GNB1: variants seen among roughly 807,000 people sequenced by gnomAD.
GNB1 encodes the protein G protein subunit beta 1.
GNB1 carries 2 observed loss-of-function variants against 42.9 expected under a neutral mutation model. That is an observed-to-expected ratio of 0.05 (90% CI 0.02 to 0.15). The LOEUF is 0.15. Ranked by LOEUF, GNB1 falls within the 10% of genes least tolerant of loss-of-function variation. GNB1 has a pLI of 1.00. For synonymous variants in GNB1, 183 were observed against 174.7 expected (o/e 1.05, Z -0.38); for missense variants, 193 against 462.2 (o/e 0.42, Z 5.34).
intron 1 of GNB1, among the ~76,000 whole-genome samples, chr1:1,847,400 G>C (rs1251493467): frequency 6.6e-6 from 1 of 152,118 alleles, no homozygotes; most frequent in Non-Finnish European, 1.5e-5. Context: ...TTAGATATTG[G>C]ACAAGGCCCC....
At chr1:1,845,634 G>A (rs1194328224) in intron 1 of GNB1, among the ~76,000 whole-genome samples, 1 of 151,870 alleles carries the variant, frequency 6.6e-6, no homozygotes, top group African/African-American at 2.4e-5. Flanking sequence ...TATTAATATG[G>A]ATATGTATGC....
chr1:1,820,924 T>A (rs931056596), intron 3 of GNB1, among the ~76,000 whole-genome samples: 2 of 152,234 alleles, frequency 1.3e-5, no homozygotes, highest in Non-Finnish European at 2.9e-5. Context: ...GGAAGAAGTC[T>A]TTTAATGGAA....
intron 1 of GNB1, among the ~76,000 whole-genome samples, chr1:1,882,738 T>C (rs1275365516): frequency 1.3e-5 from 2 of 151,916 alleles, no homozygotes; most frequent in African/African-American, 2.4e-5. Context: ...CTGGCCAATA[T>C]GGTGAAACCC....
intron 3 of GNB1, 126 bp downstream of exon 3, chr1:1,825,271 C>A: frequency 2.7e-6 from 2 of 735,048 alleles, no homozygotes; most frequent in Admixed American, 1.9e-5. Flanking sequence ...ACATCCTGGG[C>A]CAACTAAGAT....
At chr1:1,857,738 A>C (rs1648384193) in intron 1 of GNB1, among the ~76,000 whole-genome samples, 1 of 152,208 alleles carries the variant, frequency 6.6e-6, no homozygotes, top group Middle Eastern at 3.2e-3. Flanking sequence ...AACTGTGGAT[A>C]GTACCACACT....
At chr1:1,799,778 C>A (rs1646599793) in intron 7 of GNB1, among the ~76,000 whole-genome samples, 1 of 152,162 alleles carries the variant, frequency 6.6e-6, no homozygotes, top group African/African-American at 2.4e-5. Flanking sequence ...CTGTGACAAC[C>A]CCAGGGCTAC....
chr1:1,805,330 G>A (rs748989266), intron 6 of GNB1, among the ~76,000 whole-genome samples: 17 of 151,146 alleles, frequency 1.1e-4, no homozygotes, highest in Middle Eastern at 3.2e-3. Context: ...TGTGGTGGTG[G>A]GCGCCTGTAA....
At chr1:1,813,166 T>C (rs1209644311) in intron 5 of GNB1, among the ~76,000 whole-genome samples, 1 of 152,106 alleles carries the variant, frequency 6.6e-6, no homozygotes, top group Admixed American at 6.5e-5. Context: ...CTTTTTTTTT[T>C]TTGAGTCAGT....
chr1:1,834,667 C>CTTTTTT (rs746491020), intron 2 of GNB1, among the ~76,000 whole-genome samples: 2 of 126,346 alleles, frequency 1.6e-5, no homozygotes, highest in Non-Finnish European at 1.6e-5. Flanking sequence ...ACTCCAAGCA[C>CTTTTTT]TTTTTTTTTT....
chr1:1,788,090 T>TA (rs1409619656), intron 10 of GNB1: 1 of 151,788 alleles, frequency 6.6e-6, no homozygotes, highest in Non-Finnish European at 1.5e-5. Flanking sequence ...CACAGGAGCT[T>TA]AGAGGCATGA....
intron 1 of GNB1, among the ~76,000 whole-genome samples, chr1:1,842,749 G>A (rs1409878341): frequency 2.0e-5 from 3 of 152,124 alleles, no homozygotes; most frequent in Non-Finnish European, 2.9e-5. Context: ...TGTACTAAAC[G>A]GCACCGAATC....
intron 1 of GNB1, among the ~76,000 whole-genome samples, chr1:1,889,132 T>C (rs1051400721): frequency 6.6e-6 from 1 of 152,210 alleles, no homozygotes; most frequent in Non-Finnish European, 1.5e-5. Context: ...GAAAATAACT[T>C]ATGCAAAAAC....
intron 7 of GNB1, among the ~76,000 whole-genome samples, chr1:1,800,753 TAAAAAAAAAA>T (rs943269814): frequency 8.7e-6 from 1 of 115,324 alleles, no homozygotes; most frequent in Non-Finnish European, 1.9e-5. Context: ...TTTAGATTGT[TAAAAAAAAAA>T]AAAAAAAAGA....
At chr1:1,874,791 C>CA (rs1223843039) in intron 1 of GNB1, among the ~76,000 whole-genome samples, 30 of 141,300 alleles carry the variant, frequency 2.1e-4, no homozygotes, top group Non-Finnish European at 2.8e-4. Flanking sequence ...CACCCTGTCT[C>CA]AAAAAAAAAA....
intron 1 of GNB1, among the ~76,000 whole-genome samples, chr1:1,855,296 T>G (rs1570719969): frequency 7.2e-6 from 1 of 139,104 alleles, no homozygotes; most frequent in Non-Finnish European, 1.5e-5. Flanking sequence ...CACTCCAGCC[T>G]GGGTGACACA....
intron 1 of GNB1, among the ~76,000 whole-genome samples, chr1:1,881,006 G>A (rs961066898): frequency 5.3e-5 from 8 of 151,884 alleles, no homozygotes; most frequent in African/African-American, 1.5e-4. Context: ...ATGCCTGAAC[G>A]GAGAGAGGGA....
In GNB1 at chr1:1,842,414, G is replaced by A. The variant is rs577902917; in HGVS notation, c.-95-3176C>T. 2.0e-5 allele frequency among the ~76,000 whole-genome samples: 3 copies of A among 148,830 alleles called. No homozygotes were observed. In the East Asian group the frequency reaches 5.9e-4, roughly 29 times the overall value. ...CCCTGCACTCCAGCCTGGGCGGGGT[G>A]ACAGAGTGAGACTCCATCTCAAAAA... On this transcript the variant is annotated intron_variant, in intron 1 of 11. Transcript: ENST00000378609.
In GNB1 at chr1:1,786,153, C is replaced by T. The variant is rs1646403477; in HGVS notation, c.*910G>A. The T allele has an allele frequency of 1.0e-5, 4 of 398,384 alleles. No individual in the cohort carries two copies. The highest frequency in any genetic ancestry group is 1.8e-5 in the Non-Finnish European group (4 of 225,910). The allele number at this position is 398,384 out of a possible 1,614,324, so 24.7% of individuals were successfully genotyped here. A position where few individuals can be genotyped will look rare whatever the true frequency, so the allele number is the denominator to read the frequency against. ...ATACACAAATAATTGACTGACTATCCAAGCACAGGACAGGCATCTCTCTTG... is the reference window on the plus strand; with the variant it reads ...ATACACAAATAATTGACTGACTATCTAAGCACAGGACAGGCATCTCTCTTG... On this transcript the variant is annotated 3_prime_UTR_variant, in exon 12 of 12. Transcript: ENST00000378609.
At chr1:1,880,331 C>T (rs1337317934) in intron 1 of GNB1, among the ~76,000 whole-genome samples, 6 of 152,126 alleles carry the variant, frequency 3.9e-5, no homozygotes, top group Non-Finnish European at 5.9e-5. Flanking sequence ...CCGGACACGG[C>T]GGCTCACGCT....
Sources: gnomAD v4.1 joint callset for allele counts (sites outside exome capture counted in the v4.1 genomes callset) on GRCh38, gnomAD v4.1.1 for gene constraint, MANE v1.5 for transcripts, NCBI Gene and HGNC (gene_info 2026-07-23, HGNC 2026-07-21) for gene names.